COL22A1: variants seen among roughly 807,000 people sequenced by gnomAD.
The protein encoded by COL22A1 is collagen alpha-1(XXII) chain.
Under a neutral mutation model 248.9 loss-of-function variants are expected in COL22A1, and 221 were observed. The ratio of observed to expected loss-of-function variants is 0.89; its 90% CI spans 0.80 to 0.99. The LOEUF (loss-of-function observed/expected upper bound fraction) is 0.99. COL22A1 is among the 50% of genes least tolerant of loss of function. The pLI is 0.00. For missense variants in COL22A1, 2,240 were observed against 2,179.0 expected, an observed-to-expected ratio of 1.03 and a Z score of -0.56; for synonymous variants, 891 against 793.4, an observed-to-expected ratio of 1.12 and a Z score of -2.07.
chr8:138,781,837 C>T (rs780951982), intron 12 of COL22A1, among the ~76,000 whole-genome samples: 1 of 152,192 alleles, frequency 6.6e-6, no homozygotes, highest in African/African-American at 2.4e-5. Context: ...AGCAAGGCTG[C>T]GCCTCTCTCT....
chr8:138,832,083 G>A (rs1471292951), intron 5 of COL22A1, among the ~76,000 whole-genome samples: 1 of 152,110 alleles, frequency 6.6e-6, no homozygotes, highest in Non-Finnish European at 1.5e-5. Context: ...CGTTCTCACT[G>A]CTACACTCCC....
At chr8:138,758,661 G>A (rs1833220451) in intron 18 of COL22A1, among the ~76,000 whole-genome samples, 1 of 152,156 alleles carries the variant, frequency 6.6e-6, no homozygotes, top group Admixed American at 6.5e-5. Context: ...TTCCCAAATT[G>A]TGTAGCATCT....
At chr8:138,711,639 T>G (rs143268593) in intron 30 of COL22A1, among the ~76,000 whole-genome samples, 1 of 152,234 alleles carries the variant, frequency 6.6e-6, no homozygotes, top group South Asian at 2.1e-4. Context: ...ACCGCAAGTC[T>G]GCCTGGAGCA....
chr8:138,719,881 A>G (rs928135111), intron 27 of COL22A1, among the ~76,000 whole-genome samples: 10 of 152,220 alleles, frequency 6.6e-5, no homozygotes, highest in South Asian at 4.1e-4. Context: ...CTCATACCCC[A>G]GTAGAGCGGG....
At chr8:138,832,159 A>G (rs754241336) in intron 5 of COL22A1, among the ~76,000 whole-genome samples, 1 of 152,174 alleles carries the variant, frequency 6.6e-6, no homozygotes, top group Non-Finnish European at 1.5e-5. Context: ...TAGTCCAAAA[A>G]GGGGAGGCAT....
chr8:138,608,408 C>T (rs375694175), intron 56 of COL22A1, among the ~76,000 whole-genome samples: 2 of 152,166 alleles, frequency 1.3e-5, no homozygotes, highest in African/African-American at 4.8e-5. Flanking sequence ...GCTTAGGAAG[C>T]ATGTCCATGC....
In COL22A1 at chr8:138,668,073, C is replaced by T. The variant is rs1484225302; in HGVS notation, c.3151-4333G>A. Among the ~76,000 whole-genome samples the T allele has an allele frequency of 2.6e-5, 4 of 151,668 alleles. No homozygotes were observed. In the East Asian group the frequency reaches 7.7e-4, roughly 29 times the overall value. ...GGATCTTAAAGAAACAAACAAAAAA[C>T]ACAGAAGCGTGACATGTATGAAATA... On this transcript the variant is annotated intron_variant, in intron 41 of 64. Coordinates refer to ENST00000303045, the MANE Select transcript of COL22A1 (RefSeq NM_152888.3).
intron 3 of COL22A1, among the ~76,000 whole-genome samples, chr8:138,866,381 T>C (rs1414670491): frequency 2.0e-5 from 3 of 152,210 alleles, no homozygotes; most frequent in South Asian, 2.1e-4. Context: ...TGCACATTTA[T>C]ATAGAGACAT....
intron 9 of COL22A1, among the ~76,000 whole-genome samples, chr8:138,809,534 T>C (rs75142996): frequency 2.1e-5 from 1 of 47,090 alleles, no homozygotes; most frequent in Non-Finnish European, 5.9e-5. Context: ...TTTTCTTTTT[T>C]TTTTGAGACA....
intron 8 of COL22A1, among the ~76,000 whole-genome samples, chr8:138,812,664 C>T (rs1818341643): frequency 6.6e-6 from 1 of 151,838 alleles, no homozygotes; most frequent in African/African-American, 2.4e-5. Flanking sequence ...AAACACCCTC[C>T]CAGCCCCTGC....
Position 138,769,067 on chromosome 8 carries a change from C to G in COL22A1, c.1804-6601G>C, listed in dbSNP as rs991044940. 2.6e-5 allele frequency among the ~76,000 whole-genome samples: 4 copies of G among 152,170 alleles called. 1 individual carries two copies. Among genetic ancestry groups the G allele is most frequent in the African/African-American group, 9.7e-5 (4 of 41,442 alleles). On this transcript the variant is annotated intron_variant, in intron 16 of 64. Coordinates refer to ENST00000303045, the MANE Select transcript of COL22A1 (RefSeq NM_152888.3). ...CTTTCTTCTGGAATTCAGTTTCCATCTCATCTCTTCCTCTCTCCTGACACG... is the reference window on the plus strand; with the variant it reads ...CTTTCTTCTGGAATTCAGTTTCCATGTCATCTCTTCCTCTCTCCTGACACG...
intron 32 of COL22A1, among the ~76,000 whole-genome samples, chr8:138,696,636 G>T (rs1365974613): frequency 6.6e-6 from 1 of 152,192 alleles, no homozygotes; most frequent in African/African-American, 2.4e-5. Flanking sequence ...ATGGCCTGCG[G>T]CTGTCTTCCT....
intron 35 of COL22A1, 143 bp from the exon 36 acceptor site, chr8:138,691,017 C>A (rs965816266): frequency 3.3e-6 from 2 of 603,690 alleles, no homozygotes; most frequent in Non-Finnish European, 5.6e-6. Flanking sequence ...CAGACGTGAA[C>A]CTCCTCTCCG....
intron 5 of COL22A1, among the ~76,000 whole-genome samples, chr8:138,830,583 C>A (rs1194081945): frequency 6.6e-6 from 1 of 152,160 alleles, no homozygotes; most frequent in East Asian, 1.9e-4. Flanking sequence ...CAGGAAGGAG[C>A]CAAATCCGTG....
At chr8:138,796,654 C>G (rs982893729) in intron 12 of COL22A1, among the ~76,000 whole-genome samples, 165 bp downstream of exon 12, 2 of 151,888 alleles carry the variant, frequency 1.3e-5, no homozygotes, top group African/African-American at 4.8e-5. Context: ...CTTCAACCAC[C>G]CAAGCCATGG....
At chr8:138,783,701 G>A (rs1336197874) in intron 12 of COL22A1, among the ~76,000 whole-genome samples, 1 of 152,204 alleles carries the variant, frequency 6.6e-6, no homozygotes, top group Non-Finnish European at 1.5e-5. Flanking sequence ...CGGCCACTGT[G>A]AAAAGTTGTT....
chr8:138,610,683 G>T (rs1483821765), intron 56 of COL22A1, among the ~76,000 whole-genome samples: 4 of 152,186 alleles, frequency 2.6e-5, no homozygotes, highest in Middle Eastern at 3.2e-3. Context: ...CACCCCGCAT[G>T]TGGTACGTGA....
chr8:138,898,488 G>A (rs977385507), intron 1 of COL22A1, among the ~76,000 whole-genome samples: 2 of 152,066 alleles, frequency 1.3e-5, no homozygotes, highest in Admixed American at 1.3e-4. Flanking sequence ...ATGCCCATAA[G>A]TCTCTTACCA....
intron 40 of COL22A1, among the ~76,000 whole-genome samples, chr8:138,676,984 C>T (rs1471104718): frequency 6.6e-6 from 1 of 152,184 alleles, no homozygotes; most frequent in Non-Finnish European, 1.5e-5. Flanking sequence ...CCTAACTATA[C>T]CCCAGATTTG....
Sources: gnomAD v4.1 joint callset for allele counts (sites outside exome capture counted in the v4.1 genomes callset) on GRCh38, gnomAD v4.1.1 for gene constraint, MANE v1.5 for transcripts, NCBI Gene and HGNC (gene_info 2026-07-23, HGNC 2026-07-21) for gene names.